Variants in NREP observed in about 807,000 individuals in gnomAD.
The protein encoded by NREP is neuronal regeneration related protein.
Under a neutral mutation model 8.6 loss-of-function variants are expected in NREP, and 5 were observed. That is an observed-to-expected ratio of 0.58 (90% CI 0.30 to 1.22). The LOEUF (loss-of-function observed/expected upper bound fraction) is 1.22. Ranked by LOEUF, NREP falls within the 50% of genes most tolerant of loss-of-function variation. The pLI is 0.07. For synonymous variants in NREP, 27 were observed against 28.0 expected, an observed-to-expected ratio of 0.96 and a Z score of 0.11; for missense variants, 86 against 82.5, an observed-to-expected ratio of 1.04 and a Z score of -0.17.
intron 2 of NREP, among the ~76,000 whole-genome samples, chr5:111,960,661 A>C (rs1255279047): frequency 2.0e-5 from 3 of 152,214 alleles, no homozygotes; most frequent in African/African-American, 7.2e-5. Flanking sequence ...GAATTGGCTC[A>C]CTGGAGCAGT....
At chr5:111,919,689 G>A (rs190848815) in intron 2 of NREP, among the ~76,000 whole-genome samples, 22 of 152,016 alleles carry the variant, frequency 1.4e-4, no homozygotes, top group East Asian at 3.9e-4. Flanking sequence ...ACATGGACAC[G>A]GGGAAGGGAA....
At chr5:111,846,617 C>T (rs1344589068) in intron 2 of NREP, 1 of 151,648 alleles carries the variant, frequency 6.6e-6, no homozygotes, top group Non-Finnish European at 1.5e-5. Flanking sequence ...TGCTGGTCCT[C>T]CTGAAACTTT....
At chr5:111,839,414 C>A (rs898640364) in intron 2 of NREP, among the ~76,000 whole-genome samples, 18 of 152,178 alleles carry the variant, frequency 1.2e-4, no homozygotes, top group African/African-American at 3.6e-4. Context: ...GGACAGCATG[C>A]CTCAGAATGC....
At chr5:111,848,391 C>T (rs1753230254) in intron 2 of NREP, among the ~76,000 whole-genome samples, 2 of 152,036 alleles carry the variant, frequency 1.3e-5, no homozygotes, top group Non-Finnish European at 2.9e-5. Flanking sequence ...CATTTAGATG[C>T]TCACAGGATG....
At position 111,730,852 on chromosome 5, in the gene NREP, T is replaced by C; in HGVS notation, c.*69A>G. 4 of 1,529,670 alleles carry C rather than the reference T, an allele frequency of 2.6e-6. No individual in the cohort carries two copies. Among genetic ancestry groups the C allele is most frequent in the Non-Finnish European group, 3.6e-6 (4 of 1,122,656 alleles). 94.8% of individuals were successfully genotyped at this position (1,529,670 alleles called of 1,614,324 possible). On this transcript the variant is annotated 3_prime_UTR_variant, in exon 4 of 4. Coordinates refer to ENST00000257435, the MANE Select transcript of NREP (RefSeq NM_004772.4). ...ACTTGATGATTTACACAGAAAAAAA[T>C]CCCATATATGATACCATGACCTCAT...
intron 2 of NREP, among the ~76,000 whole-genome samples, chr5:111,743,994 G>T (rs1028830846): frequency 6.6e-6 from 1 of 152,050 alleles, no homozygotes; most frequent in African/African-American, 2.4e-5. Flanking sequence ...GGCTGATGAG[G>T]TAAGTATTTA....
At chr5:111,870,452 C>G (rs137946817) in intron 2 of NREP, among the ~76,000 whole-genome samples, 343 of 152,212 alleles carry the variant, frequency 2.3e-3, no homozygotes, top group African/African-American at 7.7e-3. Context: ...AGAAAATTAG[C>G]ACATCAAATG....
chr5:111,899,316 C>T (rs1028767085), intron 2 of NREP, among the ~76,000 whole-genome samples: 1 of 152,092 alleles, frequency 6.6e-6, no homozygotes, highest in Non-Finnish European at 1.5e-5. Context: ...GAATTTGAGA[C>T]TAGCCTGGGC....
chr5:111,894,966 A>C (rs897116665), intron 2 of NREP, among the ~76,000 whole-genome samples: 1 of 152,232 alleles, frequency 6.6e-6, no homozygotes, highest in African/African-American at 2.4e-5. Flanking sequence ...CTAGGCAAAT[A>C]GTCTGTTTAG....
chr5:111,761,599 C>T (rs77259898), upstream of NREP, among the ~76,000 whole-genome samples: 440 of 152,318 alleles, frequency 2.9e-3, no homozygotes, highest in African/African-American at 9.9e-3. Context: ...CACCACTAGA[C>T]TATAAATTCC....
intron 2 of NREP, chr5:111,739,486 T>TATC (rs772877083): frequency 2.0e-5 from 3 of 152,222 alleles, no homozygotes; most frequent in African/African-American, 7.2e-5. Flanking sequence ...ACAATGACCC[T>TATC]ATCACTGAAG....
At chr5:111,732,210 T>A (rs1449960444) in intron 3 of NREP, 1 of 152,190 alleles carries the variant, frequency 6.6e-6, no homozygotes, top group Non-Finnish European at 1.5e-5. Flanking sequence ...AATTAACACA[T>A]CTGAATTTCT....
chr5:111,776,899 A>C (rs964364514), intron 2 of NREP, among the ~76,000 whole-genome samples: 91 of 152,276 alleles, frequency 6.0e-4, no homozygotes, highest in African/African-American at 2.1e-3. Context: ...GTGTTACCTT[A>C]TGATATACTT....
chr5:111,751,486 T>C, intron 2 of NREP, among the ~76,000 whole-genome samples: 1 of 152,202 alleles, frequency 6.6e-6, no homozygotes, highest in East Asian at 1.9e-4. Flanking sequence ...TTACACCCAA[T>C]AAATATTCTT....
chr5:111,822,056 TC>T (rs1449651765), intron 2 of NREP, among the ~76,000 whole-genome samples: 2 of 152,184 alleles, frequency 1.3e-5, no homozygotes, highest in Non-Finnish European at 2.9e-5. Flanking sequence ...AACTAGTTAA[TC>T]AAATTTTGAA....
chr5:111,934,165 G>T (rs1354351034), intron 2 of NREP, among the ~76,000 whole-genome samples: 1 of 152,032 alleles, frequency 6.6e-6, no homozygotes, highest in African/African-American at 2.4e-5. Context: ...ACCATCATGG[G>T]CAGACCTAGG....
intron 2 of NREP, among the ~76,000 whole-genome samples, chr5:111,744,423 CT>C (rs1160294358): frequency 3.3e-5 from 5 of 151,516 alleles, no homozygotes; most frequent in Admixed American, 2.0e-4. Context: ...AGAATTCTGA[CT>C]TTTTTTTAAA....
At chr5:111,806,528 CCAG>C (rs1554100320) in intron 2 of NREP, among the ~76,000 whole-genome samples, 2 of 152,120 alleles carry the variant, frequency 1.3e-5, no homozygotes, top group Non-Finnish European at 2.9e-5. Context: ...TGATTTCTCA[CCAG>C]TATTTTGGGG....
At chr5:111,879,201 T>A (rs1469328526) in intron 2 of NREP, among the ~76,000 whole-genome samples, 1 of 152,162 alleles carries the variant, frequency 6.6e-6, no homozygotes, top group East Asian at 1.9e-4. Flanking sequence ...CCTACTGCCG[T>A]GAGTATAAGC....
Sources: gnomAD v4.1 joint callset for allele counts (sites outside exome capture counted in the v4.1 genomes callset) on GRCh38, gnomAD v4.1.1 for gene constraint, MANE v1.5 for transcripts, NCBI Gene and HGNC (gene_info 2026-07-23, HGNC 2026-07-21) for gene names.